Variants in AVL9 observed in about 807,000 individuals in gnomAD.
AVL9 encodes the protein late secretory pathway protein AVL9 homolog.
AVL9 carries 49 observed loss-of-function variants against 79.2 expected under a neutral mutation model. The ratio of observed to expected loss-of-function variants is 0.62; its 90% CI spans 0.49 to 0.79. The LOEUF is 0.79. AVL9 is among the 30% of genes least tolerant of loss of function. AVL9 has a pLI of 0.00. For missense variants in AVL9, 682 were observed against 776.8 expected (o/e 0.88, Z 1.45); for synonymous variants, 299 against 280.6 (o/e 1.07, Z -0.65).
At chr7:32,550,231 CTT>C (rs753862261) in intron 4 of AVL9, among the ~76,000 whole-genome samples, 62 of 152,144 alleles carry the variant, frequency 4.1e-4, no homozygotes, top group Non-Finnish European at 3.8e-4. Context: ...GTACCAGACA[CTT>C]TTTATATGTA....
chr7:32,530,001 A>T (rs1274024707), intron 1 of AVL9, among the ~76,000 whole-genome samples: 1 of 152,180 alleles, frequency 6.6e-6, no homozygotes, highest in Non-Finnish European at 1.5e-5. Flanking sequence ...ATAGACTTTG[A>T]TTGATTTATC....
intron 1 of AVL9, among the ~76,000 whole-genome samples, chr7:32,529,307 G>T (rs1298137732): frequency 6.6e-6 from 1 of 152,136 alleles, no homozygotes. Context: ...TAAAACAGAG[G>T]GGACCCCCCT....
Position 32,575,936 on chromosome 7 carries a change from T to A in AVL9, c.1571-19T>A, listed in dbSNP as rs569877453. The A allele has an allele frequency of 3.2e-6, 5 of 1,562,426 alleles. No homozygotes were observed. The South Asian group carries it at 5.6e-5, about 17-fold the overall frequency. On this transcript the variant is annotated intron_variant, in intron 12 of 15. Transcript: ENST00000318709. ...TGGCTACAGCCCAGCTCAACTTCTT[T>A]CAAACATTTACTTGACAGACAATGA...
intron 1 of AVL9, among the ~76,000 whole-genome samples, chr7:32,517,818 T>TTTG (rs1554335080): frequency 4.0e-5 from 6 of 150,458 alleles, no homozygotes; most frequent in African/African-American, 1.5e-4. Context: ...TGTGTTTTTT[T>TTTG]TTTGTTTGTT....
chr7:32,552,899 GCT>G (rs1281859902), intron 6 of AVL9, among the ~76,000 whole-genome samples: 1 of 152,088 alleles, frequency 6.6e-6, no homozygotes, highest in Non-Finnish European at 1.5e-5. Context: ...AAGCTGCTCA[GCT>G]CTTTTATAAG....
intron 3 of AVL9, among the ~76,000 whole-genome samples, chr7:32,546,226 T>C (rs756428685): frequency 2.6e-5 from 4 of 152,150 alleles, no homozygotes; most frequent in Non-Finnish European, 5.9e-5. Context: ...AAATTTCAAA[T>C]ATGCAGGTAA....
chr7:32,541,565 T>C (rs1452100025), intron 1 of AVL9, among the ~76,000 whole-genome samples: 1 of 152,202 alleles, frequency 6.6e-6, no homozygotes, highest in African/African-American at 2.4e-5. Flanking sequence ...TTTGAATTTG[T>C]GTGTATCTTA....
intron 5 of AVL9, among the ~76,000 whole-genome samples, chr7:32,551,739 A>G (rs1583563543): frequency 6.6e-6 from 1 of 151,102 alleles, no homozygotes; most frequent in Non-Finnish European, 1.5e-5. Flanking sequence ...AATAAACTGC[A>G]CAGTATTTTT....
At position 32,580,821 on chromosome 7, in the gene AVL9, C is replaced by T. The variant is rs762532514; in HGVS notation, c.1762C>T (p.Arg588Cys). 6.8e-6 allele frequency: 11 copies of T among 1,613,362 alleles called. No individual in the cohort carries two copies. The highest frequency in any genetic ancestry group is 2.7e-5 in the African/African-American group (2 of 74,898). Reference protein sequence around the residue: ...RFSHSVQNSERGKKIGNVMVT... With the variant: ...RFSHSVQNSECGKKIGNVMVT... Reference sequence around the variant, plus strand: ...ACCCAGTTCTGTTCAGAATAGTGAACGTGGCAAAAAAATTGGAAACGTCAT... The same window carrying T: ...ACCCAGTTCTGTTCAGAATAGTGAATGTGGCAAAAAAATTGGAAACGTCAT... Residue 588 changes from arginine to cysteine, a missense_variant, in exon 15 of 16, where the codon CGT (arginine) becomes TGT (cysteine). Transcript: ENST00000318709.
At chr7:32,554,447 T>C (rs1312654672) in intron 7 of AVL9, 111 bp from the exon 8 acceptor site, 8 of 539,290 alleles carry the variant, frequency 1.5e-5, no homozygotes, top group Non-Finnish European at 2.5e-5. Context: ...ATGTACTTTT[T>C]AAAGTGCTGT....
chr7:32,576,156 G>C, intron 13 of AVL9, 84 bp downstream of exon 13: 2 of 928,410 alleles, frequency 2.2e-6, no homozygotes, highest in Middle Eastern at 2.2e-4. Context: ...TTTTAACTTT[G>C]ATATTGTGAA....
intron 13 of AVL9, among the ~76,000 whole-genome samples, chr7:32,579,402 A>ATATG (rs373485243): frequency 1.3e-4 from 2 of 14,916 alleles, no homozygotes; most frequent in Admixed American, 1.9e-3. Flanking sequence ...TATGTTATAT[A>ATATG]TTATATATAA....
intron 10 of AVL9, among the ~76,000 whole-genome samples, chr7:32,560,913 T>C (rs1790304832): frequency 6.6e-6 from 1 of 152,242 alleles, no homozygotes; most frequent in South Asian, 2.1e-4. Flanking sequence ...AGCCCTTAGA[T>C]GACCAGGTGC....
At chr7:32,552,421 T>C in intron 6 of AVL9, 126 bp downstream of exon 6, 1 of 587,034 alleles carries the variant, frequency 1.7e-6, no homozygotes, top group South Asian at 2.1e-5. Context: ...CAACATTTGA[T>C]GCTGTTTCTT....
At chr7:32,497,302 C>T (rs1786876528) in intron 1 of AVL9, among the ~76,000 whole-genome samples, 1 of 152,180 alleles carries the variant, frequency 6.6e-6, no homozygotes, top group Non-Finnish European at 1.5e-5. Flanking sequence ...TTGCTGTGAG[C>T]CGAGATCACG....
chr7:32,567,107 G>C (rs1186850749), intron 10 of AVL9, among the ~76,000 whole-genome samples: 1 of 151,536 alleles, frequency 6.6e-6, no homozygotes, highest in African/African-American at 2.4e-5. Flanking sequence ...TTGTAACTTT[G>C]TTTGTTTGTT....
In AVL9 at chr7:32,495,614, G is replaced by T; in HGVS notation, c.-96G>T. The stretch of plus-strand genomic sequence containing the variant: ...GCGGCCCTCATGTGCTGTGCTCGCT[G>T]ACACCCGAAGTCCGCGGCTTTCCGC... On this transcript the variant is annotated 5_prime_UTR_variant, in exon 1 of 16. The change abolishes the stop of an existing upstream ORF in the 5' untranslated region. Coordinates refer to ENST00000318709, the MANE Select transcript of AVL9 (RefSeq NM_015060.3). 1 of 785,092 alleles carries T rather than the reference G, an allele frequency of 1.3e-6. No homozygotes were observed. The highest frequency in any genetic ancestry group is 6.4e-5 in the South Asian group (1 of 15,692). 48.6% of individuals were successfully genotyped at this position (785,092 alleles called of 1,614,324 possible). A position where few individuals can be genotyped will look rare whatever the true frequency, so the allele number is the denominator to read the frequency against.
chr7:32,508,264 G>A (rs144049273), intron 1 of AVL9, among the ~76,000 whole-genome samples: 195 of 152,158 alleles, frequency 1.3e-3, no homozygotes, highest in South Asian at 4.4e-3. Context: ...CTTTTTAAAT[G>A]CCATTTAAGA....
chr7:32,564,494 G>T (rs1194296069), intron 10 of AVL9, among the ~76,000 whole-genome samples: 1 of 152,102 alleles, frequency 6.6e-6, no homozygotes, highest in African/African-American at 2.4e-5. Context: ...GAGAAGCCTG[G>T]GTGCCTGGGG....
Sources: allele counts gnomAD v4.1 joint callset (sites outside exome capture counted in the v4.1 genomes callset), GRCh38; gene constraint gnomAD v4.1.1; transcripts MANE v1.5; gene names NCBI Gene and HGNC (gene_info 2026-07-23, HGNC 2026-07-21).